GPR26: variants seen among roughly 807,000 people sequenced by gnomAD.
GPR26 encodes G protein-coupled receptor 26.
A neutral mutation model predicts 23.1 loss-of-function variants in GPR26; 15 were observed. The ratio of observed to expected loss-of-function variants is 0.65; its 90% CI spans 0.43 to 1.00. The LOEUF (loss-of-function observed/expected upper bound fraction) is 1.00. Ranked by LOEUF, GPR26 falls within the 50% of genes least tolerant of loss-of-function variation. The probability of loss-of-function intolerance (pLI) is 0.00; values close to 1 mark genes in which losing one functional copy is unlikely to be tolerated. For synonymous variants in GPR26, 228 were observed against 222.1 expected, an observed-to-expected ratio of 1.03 and a Z score of -0.24; for missense variants, 359 against 470.5, an observed-to-expected ratio of 0.76 and a Z score of 2.19.
In GPR26 at chr10:123,692,527, G is replaced by C. The variant is rs1225166201; in HGVS notation, c.*4367G>C. The C allele has an allele frequency of 6.6e-6, 1 of 152,366 alleles. No homozygotes were observed. The highest frequency in any genetic ancestry group is 1.5e-5 in the Non-Finnish European group (1 of 68,148). 9.4% of individuals were successfully genotyped at this position (152,366 alleles called of 1,614,324 possible). ...AGTGTCCTAACAGCTGGTGGGTATG[G>C]AGGAAAGACTAGACATCAGGCTATG... On this transcript the variant is annotated 3_prime_UTR_variant, in exon 3 of 3. Transcript: ENST00000284674.
intron 2 of GPR26, among the ~76,000 whole-genome samples, chr10:123,675,832 A>ATGTGTGTGTGTGTGTG (rs1564731113): frequency 4.4e-5 from 2 of 45,348 alleles, no homozygotes; most frequent in Non-Finnish European, 4.6e-5. Context: ...GTGTGTGTGT[A>ATGTGTGTGTGTGTGTG]CGTGTGTGTG....
At position 123,689,911 on chromosome 10, in the gene GPR26, G is replaced by C. The variant is rs1845472836; in HGVS notation, c.*1751G>C. The C allele has an allele frequency of 6.6e-6, 1 of 152,076 alleles. No individual in the cohort carries two copies. The highest frequency in any genetic ancestry group is 1.5e-5 in the Non-Finnish European group (1 of 67,998). The allele number at this position is 152,076 out of a possible 1,614,324, so 9.4% of individuals were successfully genotyped here. On this transcript the variant is annotated 3_prime_UTR_variant, in exon 3 of 3. Transcript: ENST00000284674. The stretch of plus-strand genomic sequence containing the variant: ...CAGAGATGGGCTCATATCTGCTTGG[G>C]GAAGCCAATGGGGCACAATCCTTCC...
At position 123,674,840 on chromosome 10, in the gene GPR26, G is replaced by A. The variant is rs867919501; in HGVS notation, c.691G>A (p.Glu231Lys). 1 of 1,613,394 alleles carries A rather than the reference G, an allele frequency of 6.2e-7. No homozygotes were observed. The highest frequency in any genetic ancestry group is 8.5e-7 in the Non-Finnish European group (1 of 1,179,704). ...HPSVRERCLE[E>K]QKRRRQRATK... ...CAGTGTGCGGGAACGCTGTCTGGAG[G>A]AGCAGAAGCGGAGGCGACAGCGAGC... is the stretch of plus-strand genomic sequence containing the variant. The change falls in exon 2 of 3, where the codon GAG (glutamate) becomes AAG (lysine). Residue 231 changes from glutamate to lysine, a missense_variant. By Grantham distance (56) the Glu-to-Lys change is moderately conservative. Coordinates refer to ENST00000284674, the MANE Select transcript of GPR26 (RefSeq NM_153442.4). This position sits in a 1 kb window ranked among gnomAD's most constrained non-coding sequence, Gnocchi z 4.1.
In GPR26 at chr10:123,695,278, G is replaced by A. The variant is rs1397130928; in HGVS notation, c.*7118G>A. The stretch of plus-strand genomic sequence containing the variant: ...ACTCAAAAGACGATGTGTACCCCTT[G>A]GGGCATGCGTGTGTTCTTAGGAACA... On this transcript the variant is annotated 3_prime_UTR_variant, in exon 3 of 3. Coordinates refer to ENST00000284674, the MANE Select transcript of GPR26 (RefSeq NM_153442.4). Among the ~76,000 whole-genome samples the A allele has an allele frequency of 6.6e-6, 1 of 152,152 alleles. No individual in the cohort carries two copies. The highest frequency in any genetic ancestry group is 6.5e-5 in the Admixed American group (1 of 15,284).
rs755596982 is a variant in GPR26 at position 123,688,593 on chromosome 10, G to A, written c.*433G>A. 2.5e-5 allele frequency: 5 copies of A among 198,102 alleles called. No individual in the cohort carries two copies. The highest frequency in any genetic ancestry group is 2.0e-3 in the Middle Eastern group (1 of 506). 12.3% of individuals were successfully genotyped at this position (198,102 alleles called of 1,614,324 possible). On this transcript the variant is annotated 3_prime_UTR_variant, in exon 3 of 3. Coordinates refer to ENST00000284674, the MANE Select transcript of GPR26 (RefSeq NM_153442.4). ...GGGACATTTCAGCCATGCTGAAAGG[G>A]AGGCTGGCAGTGGTCATTTGGCCCG...
At chr10:123,683,438 G>A (rs930295338) in intron 2 of GPR26, among the ~76,000 whole-genome samples, 3 of 152,246 alleles carry the variant, frequency 2.0e-5, no homozygotes, top group Non-Finnish European at 4.4e-5. Flanking sequence ...GGGCTGCAGG[G>A]GTTATGGTCC....
chr10:123,685,241 G>A (rs1369093565), intron 2 of GPR26, among the ~76,000 whole-genome samples: 5 of 152,188 alleles, frequency 3.3e-5, no homozygotes, highest in Admixed American at 6.5e-5. Context: ...AACATGGACT[G>A]AATTGTCCCT....
In GPR26 at chr10:123,666,387, C is replaced by T. The variant is rs1248326083; in HGVS notation, c.-21C>T. 6 of 1,356,794 alleles carry T rather than the reference C, an allele frequency of 4.4e-6. No homozygotes were observed. Among genetic ancestry groups the T allele is most frequent in the African/African-American group, 1.5e-5 (1 of 65,158 alleles). 84.0% of individuals were successfully genotyped at this position (1,356,794 alleles called of 1,614,324 possible). On this transcript the variant is annotated 5_prime_UTR_variant, in exon 1 of 3. Coordinates refer to ENST00000284674, the MANE Select transcript of GPR26 (RefSeq NM_153442.4). ...GCGGCGCCGGGTTGCGGACCCTGAG[C>T]GCCGGCGCGGGGCGCGCACCATGAA...
At chr10:123,676,106 G>A (rs1358352410) in intron 2 of GPR26, among the ~76,000 whole-genome samples, 2 of 120,068 alleles carry the variant, frequency 1.7e-5, no homozygotes, top group Non-Finnish European at 3.4e-5. Flanking sequence ...CCAGGAGGCT[G>A]TCCTCTACTC....
intron 2 of GPR26, among the ~76,000 whole-genome samples, chr10:123,678,395 C>T (rs1315087610): frequency 6.6e-6 from 1 of 152,194 alleles, no homozygotes; most frequent in Non-Finnish European, 1.5e-5. Context: ...CTTCCTCCTC[C>T]ACCTTTCTCT....
At chr10:123,677,893 A>C (rs1265643488) in intron 2 of GPR26, among the ~76,000 whole-genome samples, 1 of 152,156 alleles carries the variant, frequency 6.6e-6, no homozygotes, top group African/African-American at 2.4e-5. Flanking sequence ...TAGATATGCT[A>C]TAGGTTTAAA....
intron 1 of GPR26, among the ~76,000 whole-genome samples, chr10:123,671,616 C>G (rs1007577917): frequency 2.0e-5 from 3 of 152,190 alleles, no homozygotes; most frequent in Non-Finnish European, 2.9e-5. Context: ...CTCACACGCT[C>G]TGCACCATAG....
chr10:123,675,819 C>CGTGTGT (rs1176442924), intron 2 of GPR26, among the ~76,000 whole-genome samples: 13 of 16,692 alleles, frequency 7.8e-4, no homozygotes, highest in East Asian at 1.7e-3. Context: ...TGTGTGTGTA[C>CGTGTGT]GTGTGTGTGT....
Position 123,696,017 on chromosome 10 carries a change from C to T in GPR26, c.*7857C>T, listed in dbSNP as rs1199911868. 6.6e-6 allele frequency among the ~76,000 whole-genome samples: 1 copy of T among 152,106 alleles called. No individual in the cohort carries two copies. Among genetic ancestry groups the T allele is most frequent in the Non-Finnish European group, 1.5e-5 (1 of 68,030 alleles). The stretch of plus-strand genomic sequence containing the variant: ...CCACCTGGGGTGGTTTTTCTAGACA[C>T]CAGAATAGGCCAGATTTAATTTTCA... On this transcript the variant is annotated 3_prime_UTR_variant, in exon 3 of 3. Coordinates refer to ENST00000284674, the MANE Select transcript of GPR26 (RefSeq NM_153442.4).
At chr10:123,681,576 C>T (rs555541132) in intron 2 of GPR26, among the ~76,000 whole-genome samples, 1 of 152,250 alleles carries the variant, frequency 6.6e-6, no homozygotes, top group Admixed American at 6.5e-5. Context: ...GCTGGGAATG[C>T]TGGGAGCTGG....
chr10:123,671,906 T>TATGGA (rs1845253928), intron 1 of GPR26, among the ~76,000 whole-genome samples: 1 of 152,160 alleles, frequency 6.6e-6, no homozygotes, highest in Non-Finnish European at 1.5e-5. Context: ...TTTGCAAAGC[T>TATGGA]ATGGAGGGGG....
chr10:123,695,046 G>A lies in GPR26; in HGVS notation c.*6886G>A, dbSNP rs1845527335. On this transcript the variant is annotated 3_prime_UTR_variant, in exon 3 of 3. Transcript: ENST00000284674. The stretch of plus-strand genomic sequence containing the variant: ...ATCCACACAGCAGAAACAAGCAGTT[G>A]GCAAAAGCTGTCCTCATGCTACTTG... Among the ~76,000 whole-genome samples the A allele has an allele frequency of 6.6e-6, 1 of 152,118 alleles. No homozygotes were observed. Among genetic ancestry groups the A allele is most frequent in the Non-Finnish European group, 1.5e-5 (1 of 68,010 alleles).
chr10:123,687,968 C>G lies in GPR26; in HGVS notation c.822C>G (p.His274Gln), dbSNP rs547759483. The change falls in exon 3 of 3, where the codon CAC becomes CAG. Residue 274 changes from histidine (H) to glutamine (Q), a missense_variant. By Grantham distance (24) the His-to-Gln change is conservative (BLOSUM62 0). Coordinates refer to ENST00000284674, the MANE Select transcript of GPR26 (RefSeq NM_153442.4). ...TCTCCACGGTGCCCATCGGCTCCCA[C>G]TGGGGGGTGCTGTCCAAGTGCTTGG... is the stretch of plus-strand genomic sequence containing the variant. ...ELFSTVPIGS[H>Q]WGVLSKCLAY... 6.2e-7 allele frequency: 1 copy of G among 1,613,868 alleles called. No individual in the cohort carries two copies. The highest frequency in any genetic ancestry group is 1.3e-5 in the African/African-American group (1 of 75,062).
chr10:123,682,517 C>A (rs1427179903), intron 2 of GPR26, among the ~76,000 whole-genome samples: 1 of 152,222 alleles, frequency 6.6e-6, no homozygotes, highest in Admixed American at 6.5e-5. Context: ...AGGACTCTTC[C>A]CAGAGTCTTT....
Sources: allele counts gnomAD v4.1 joint callset (sites outside exome capture counted in the v4.1 genomes callset), GRCh38; gene constraint gnomAD v4.1.1; non-coding constraint Gnocchi (gnomAD v3.1); transcripts MANE v1.5; gene names NCBI Gene and HGNC (gene_info 2026-07-23, HGNC 2026-07-21).